Variants in SPRY3 observed in about 807,000 individuals in gnomAD.
The protein encoded by SPRY3 is protein sprouty homolog 3.
A neutral mutation model predicts 20.2 loss-of-function variants in SPRY3; 15 were observed. The ratio of observed to expected loss-of-function variants is 0.74; its 90% CI spans 0.50 to 1.14. The LOEUF (loss-of-function observed/expected upper bound fraction) is 1.14, where lower values mean the gene tolerates loss of function less well. Ranked by LOEUF, SPRY3 falls within the 50% of genes most tolerant of loss-of-function variation. SPRY3 has a pLI of 0.00. For missense variants in SPRY3, 364 were observed against 363.9 expected, an observed-to-expected ratio of 1.00 and a Z score of 0.00; for synonymous variants, 143 against 136.5, an observed-to-expected ratio of 1.05 and a Z score of -0.33.
At chrX:155,616,254 C>G (rs2067853751) in intron 1 of SPRY3, among the ~76,000 whole-genome samples, 1 of 108,879 alleles carries the variant, frequency 9.2e-6, no homozygotes, top group Non-Finnish European at 1.9e-5. Flanking sequence ...ACAGTAGATA[C>G]GGTTACGGAC....
chrX:155,691,395 G>T (rs2068101622), intron 2 of SPRY3, among the ~76,000 whole-genome samples: 1 of 88,007 alleles, frequency 1.1e-5, no homozygotes, highest in African/African-American at 5.4e-5. Context: ...TCCTACACGT[G>T]ATGTTAACAT....
chrX:155,744,548 G>A (rs920582924), intron 2 of SPRY3, among the ~76,000 whole-genome samples: 4 of 151,982 alleles, frequency 2.6e-5, no homozygotes, highest in African/African-American at 9.7e-5. Context: ...CCTGGCAAAC[G>A]CAGTTTAAAG....
At chrX:155,769,110 G>A (rs994775422) in intron 3 of SPRY3, among the ~76,000 whole-genome samples, 1 of 152,126 alleles carries the variant, frequency 6.6e-6, no homozygotes, top group Non-Finnish European at 1.5e-5. Context: ...TGAAATATTG[G>A]TCTTGCTCTC....
At chrX:155,674,730 G>A (rs2068054250) in intron 2 of SPRY3, among the ~76,000 whole-genome samples, 1 of 109,983 alleles carries the variant, frequency 9.1e-6, no homozygotes, top group African/African-American at 3.3e-5. Context: ...CATATATGAA[G>A]CCCTTAAGCC....
intron 2 of SPRY3, among the ~76,000 whole-genome samples, chrX:155,716,981 A>AATATAT (rs749530944): frequency 0.032 from 2,026 of 63,188 alleles, 110 homozygotes; most frequent in African/African-American, 0.085. Flanking sequence ...TAAAATACAA[A>AATATAT]ATATATATAT....
At chrX:155,651,257 G>A (rs1164913670) in intron 1 of SPRY3, among the ~76,000 whole-genome samples, 1 of 110,100 alleles carries the variant, frequency 9.1e-6, no homozygotes, top group Non-Finnish European at 1.9e-5. Flanking sequence ...TAGTAGAGAC[G>A]GGGTTTCACC....
chrX:155,733,218 T>C (rs1486625164), intron 2 of SPRY3, among the ~76,000 whole-genome samples: 1 of 151,822 alleles, frequency 6.6e-6, no homozygotes, highest in Non-Finnish European at 1.5e-5. Flanking sequence ...TTTACCCTGA[T>C]GTAATTTATT....
At chrX:155,733,653 C>T (rs187510126) in intron 2 of SPRY3, among the ~76,000 whole-genome samples, 1 of 152,092 alleles carries the variant, frequency 6.6e-6, no homozygotes, top group East Asian at 1.9e-4. Flanking sequence ...TCAGCCTGTC[C>T]TTAGAAGCTT....
At chrX:155,727,727 C>T (rs2091107998) in intron 2 of SPRY3, among the ~76,000 whole-genome samples, 2 of 152,056 alleles carry the variant, frequency 1.3e-5, no homozygotes, top group Admixed American at 1.3e-4. Context: ...TTTTAGCTTC[C>T]TTGAAATGGG....
At chrX:155,721,314 GA>G (rs1438702474) in intron 2 of SPRY3, among the ~76,000 whole-genome samples, 2 of 152,050 alleles carry the variant, frequency 1.3e-5, no homozygotes, top group Non-Finnish European at 2.9e-5. Context: ...AAAATAGCCT[GA>G]AAAAGGCAAA....
chrX:155,641,251 C>T (rs1337758850), intron 1 of SPRY3, among the ~76,000 whole-genome samples: 1 of 112,078 alleles, frequency 8.9e-6, no homozygotes, highest in Non-Finnish European at 1.9e-5. Context: ...ACCATCTTTG[C>T]ATCCGTGTGA....
chrX:155,725,784 G>T (rs1236003375), intron 2 of SPRY3, among the ~76,000 whole-genome samples: 1 of 152,026 alleles, frequency 6.6e-6, no homozygotes, highest in Non-Finnish European at 1.5e-5. Flanking sequence ...TGGATTCATT[G>T]ATTTTTTGAA....
intron 1 of SPRY3, among the ~76,000 whole-genome samples, chrX:155,632,570 TTTTC>T (rs1350590622): frequency 9.0e-6 from 1 of 110,927 alleles, no homozygotes; most frequent in African/African-American, 3.3e-5. Flanking sequence ...TTCCCCATTG[TTTTC>T]TCATCCTCCA....
chrX:155,699,652 G>A (rs892938554), intron 2 of SPRY3, among the ~76,000 whole-genome samples: 6 of 111,233 alleles, frequency 5.4e-5, no homozygotes, highest in African/African-American at 2.0e-4. Flanking sequence ...CTGGCATTAT[G>A]GCATTGATGA....
downstream of SPRY3, chrX:155,779,052 AC>A (rs1328353143): frequency 4.2e-5 from 7 of 167,028 alleles, no homozygotes; most frequent in African/African-American, 1.7e-4. Context: ...TTTGTGACAG[AC>A]CATATAAAAC....
chrX:155,727,772 T>G (rs1450343955), intron 2 of SPRY3, among the ~76,000 whole-genome samples: 1 of 152,140 alleles, frequency 6.6e-6, no homozygotes, highest in Non-Finnish European at 1.5e-5. Flanking sequence ...AGAAGTTTGT[T>G]ATTACCAACC....
At chrX:155,645,486 T>A (rs1485282962) in intron 1 of SPRY3, among the ~76,000 whole-genome samples, 1 of 109,708 alleles carries the variant, frequency 9.1e-6, no homozygotes, top group Non-Finnish European at 1.9e-5. Context: ...ACTCAAGTTC[T>A]GACTACTGGG....
chrX:155,777,965 G>A (rs1161471566), downstream of SPRY3: 1 of 166,710 alleles, frequency 6.0e-6, no homozygotes, highest in Non-Finnish European at 1.5e-5. Context: ...TACTTACATA[G>A]TGCTTACTAT....
intron 2 of SPRY3, among the ~76,000 whole-genome samples, chrX:155,731,842 C>T (rs306908): frequency 0.13 from 19,383 of 151,808 alleles, 2,072 homozygotes; most frequent in African/African-American, 0.31. Flanking sequence ...TAGCCCTTTT[C>T]CCATTGGACT....
Sources: allele counts gnomAD v4.1 joint callset (sites outside exome capture counted in the v4.1 genomes callset), GRCh38; gene constraint gnomAD v4.1.1; transcripts MANE v1.5; gene names NCBI Gene and HGNC (gene_info 2026-07-23, HGNC 2026-07-21).